TBL1XR1: variants seen among roughly 807,000 people sequenced by gnomAD.
TBL1XR1 encodes TBL1X/Y related 1.
Under a neutral mutation model 66.9 loss-of-function variants are expected in TBL1XR1, and 5 were observed. That is an observed-to-expected ratio of 0.07 (90% CI 0.04 to 0.16). The LOEUF is 0.16. TBL1XR1 is among the 10% of genes least tolerant of loss of function. The probability of loss-of-function intolerance (pLI) is 1.00; values close to 1 mark genes in which losing one functional copy is unlikely to be tolerated. For missense variants in TBL1XR1, 238 were observed against 623.2 expected (o/e 0.38, Z 6.58); for synonymous variants, 210 against 206.0 (o/e 1.02, Z -0.17).
At chr3:177,030,748 T>C (rs1204047473) in intron 14 of TBL1XR1, among the ~76,000 whole-genome samples, 1 of 152,254 alleles carries the variant, frequency 6.6e-6, no homozygotes, top group Non-Finnish European at 1.5e-5. Flanking sequence ...TGAATATACA[T>C]GGAAATGATA....
At chr3:177,124,003 TTCTCA>T (rs749096803) in intron 1 of TBL1XR1, among the ~76,000 whole-genome samples, 8 of 152,112 alleles carry the variant, frequency 5.3e-5, no homozygotes, top group East Asian at 1.9e-4. Flanking sequence ...TAATGTTTAG[TTCTCA>T]TCTCAACAGT....
At chr3:177,094,297 T>G (rs1723189240) in intron 2 of TBL1XR1, among the ~76,000 whole-genome samples, 1 of 152,154 alleles carries the variant, frequency 6.6e-6, no homozygotes, top group South Asian at 2.1e-4. Flanking sequence ...CCTGCAAGAA[T>G]GGCTGTAATC....
intron 1 of TBL1XR1, chr3:177,110,830 A>C (rs928601101): frequency 3.3e-5 from 5 of 152,248 alleles, no homozygotes; most frequent in East Asian, 3.8e-4. Flanking sequence ...GAGAGAAAAG[A>C]AGCCGGAAAT....
chr3:177,043,401 A>T (rs1715871621), intron 10 of TBL1XR1, among the ~76,000 whole-genome samples: 2 of 152,148 alleles, frequency 1.3e-5, no homozygotes, highest in Non-Finnish European at 2.9e-5. Context: ...ATCTTGTATT[A>T]ATAACCTCCT....
intron 2 of TBL1XR1, among the ~76,000 whole-genome samples, chr3:177,083,207 A>G (rs1432491300): frequency 1.3e-5 from 2 of 152,112 alleles, no homozygotes; most frequent in Admixed American, 1.3e-4. Flanking sequence ...CTCCCATAGC[A>G]TTTTCAAAAA....
intron 5 of TBL1XR1, 141 bp downstream of exon 5, chr3:177,051,363 G>T: frequency 1.5e-6 from 1 of 680,074 alleles, no homozygotes; most frequent in Non-Finnish European, 2.4e-6. Context: ...TAGTACCTGG[G>T]TGATGAAATA....
At chr3:177,088,177 A>G (rs1722389545) in intron 2 of TBL1XR1, among the ~76,000 whole-genome samples, 1 of 152,212 alleles carries the variant, frequency 6.6e-6, no homozygotes, top group African/African-American at 2.4e-5. Flanking sequence ...AAGTTCTATC[A>G]CAGTTAATAT....
intron 1 of TBL1XR1, among the ~76,000 whole-genome samples, chr3:177,139,472 T>C (rs1577286336): frequency 1.3e-5 from 2 of 151,010 alleles, no homozygotes; most frequent in South Asian, 2.1e-4. Flanking sequence ...GAAGTAGAGG[T>C]TGCAGTGAGC....
At chr3:177,155,842 T>A (rs1201908456) in intron 1 of TBL1XR1, among the ~76,000 whole-genome samples, 1 of 151,862 alleles carries the variant, frequency 6.6e-6, no homozygotes, top group Non-Finnish European at 1.5e-5. Context: ...AAACCCCATC[T>A]CTACTAAAAT....
At chr3:177,038,842 A>G (rs1452108245) in intron 10 of TBL1XR1, among the ~76,000 whole-genome samples, 1 of 152,212 alleles carries the variant, frequency 6.6e-6, no homozygotes, top group Non-Finnish European at 1.5e-5. Context: ...AGTGGACACA[A>G]GCAAGTCACT....
intron 1 of TBL1XR1, among the ~76,000 whole-genome samples, chr3:177,165,183 T>C (rs912765592): frequency 1.4e-4 from 21 of 152,156 alleles, no homozygotes; most frequent in African/African-American, 4.6e-4. Flanking sequence ...CTCCAGGAAC[T>C]AATAAGCAAT....
intron 1 of TBL1XR1, among the ~76,000 whole-genome samples, chr3:177,174,781 C>CT (rs1345313872): frequency 5.3e-5 from 8 of 152,180 alleles, no homozygotes; most frequent in African/African-American, 1.9e-4. Context: ...AGCTAAGGCC[C>CT]TTCCCTCCCA....
chr3:177,033,622 A>G lies in TBL1XR1; in HGVS notation c.1251-486T>C, dbSNP rs764518370. Among the ~76,000 whole-genome samples, 20 of 152,188 alleles carry G rather than the reference A, an allele frequency of 1.3e-4. No homozygotes were observed. The South Asian group carries it at 2.5e-3, about 19-fold the overall frequency. On this transcript the variant is annotated intron_variant, in intron 13 of 15. Transcript: ENST00000457928. The stretch of plus-strand genomic sequence containing the variant: ...GATTATTTCAATATAGAATATCATT[A>G]TAACTTGAAACAATAATAAAACTCA...
chr3:177,133,017 G>A (rs912599266), intron 1 of TBL1XR1, among the ~76,000 whole-genome samples: 4 of 152,170 alleles, frequency 2.6e-5, no homozygotes, highest in African/African-American at 7.2e-5. Context: ...GGCCAGGTGC[G>A]GTGGCTCACG....
intron 1 of TBL1XR1, among the ~76,000 whole-genome samples, chr3:177,183,023 TCTTA>T (rs1198560834): frequency 1.3e-5 from 2 of 152,048 alleles, no homozygotes; most frequent in East Asian, 3.8e-4. Flanking sequence ...ATCATTTGTA[TCTTA>T]CTTCTTATGT....
intron 12 of TBL1XR1, among the ~76,000 whole-genome samples, chr3:177,036,108 C>T (rs543674900): frequency 3.9e-5 from 6 of 152,282 alleles, no homozygotes; most frequent in African/African-American, 7.2e-5. Flanking sequence ...AACCAGGCCG[C>T]GTTCAGCCAG....
chr3:177,072,925 G>A (rs770491958), intron 2 of TBL1XR1, among the ~76,000 whole-genome samples: 6 of 152,110 alleles, frequency 3.9e-5, no homozygotes, highest in Non-Finnish European at 7.4e-5. Flanking sequence ...TTAGCCAGGT[G>A]TGGTGGCATG....
chr3:177,106,247 G>A (rs768689804), intron 1 of TBL1XR1, among the ~76,000 whole-genome samples: 13 of 152,056 alleles, frequency 8.5e-5, no homozygotes, highest in Non-Finnish European at 1.5e-4. Flanking sequence ...GTTATAGAAA[G>A]GTATTTTTTT....
chr3:177,201,433 A>C (rs1405083203), upstream of TBL1XR1, among the ~76,000 whole-genome samples: 1 of 151,462 alleles, frequency 6.6e-6, no homozygotes, highest in African/African-American at 2.4e-5. Flanking sequence ...AAAAAAAAAA[A>C]AAACAAATCC....
Sources: gnomAD v4.1 joint callset for allele counts (sites outside exome capture counted in the v4.1 genomes callset) on GRCh38, gnomAD v4.1.1 for gene constraint, MANE v1.5 for transcripts, NCBI Gene and HGNC (gene_info 2026-07-23, HGNC 2026-07-21) for gene names.